Variants in CDH12 observed in about 807,000 individuals in gnomAD.
CDH12 encodes the protein cadherin-12.
CDH12 carries 41 observed loss-of-function variants against 74.1 expected under a neutral mutation model. The ratio of observed to expected loss-of-function variants is 0.55; its 90% confidence interval spans 0.43 to 0.72. CDH12 has a LOEUF of 0.72. CDH12 is among the 30% of genes least tolerant of loss of function. The pLI is 0.00. For synonymous variants in CDH12, 399 were observed against 355.0 expected, an observed-to-expected ratio of 1.12 and a Z score of -1.39; for missense variants, 945 against 977.2, an observed-to-expected ratio of 0.97 and a Z score of 0.44.
intron 7 of CDH12, among the ~76,000 whole-genome samples, chr5:21,845,026 G>GATAGATAGATAT (rs1226308688): frequency 6.7e-6 from 1 of 148,822 alleles, no homozygotes; most frequent in Non-Finnish European, 1.5e-5. Flanking sequence ...TAGATAGATA[G>GATAGATAGATAT]ATAGATAGAT....
At chr5:22,810,977 A>C (rs1025949897) in intron 1 of CDH12, among the ~76,000 whole-genome samples, 3 of 151,878 alleles carry the variant, frequency 2.0e-5, no homozygotes, top group African/African-American at 7.3e-5. Context: ...ACATATATAC[A>C]TACATATGTA....
intron 2 of CDH12, among the ~76,000 whole-genome samples, chr5:22,457,918 T>A (rs1314535100): frequency 1.3e-5 from 2 of 152,108 alleles, no homozygotes; most frequent in Non-Finnish European, 2.9e-5. Flanking sequence ...CTAATTTTTG[T>A]AATTTTAGTA....
intron 1 of CDH12, among the ~76,000 whole-genome samples, chr5:22,770,612 A>G (rs904379619): frequency 6.6e-6 from 1 of 152,150 alleles, no homozygotes; most frequent in African/African-American, 2.4e-5. Context: ...AAGAAAAGAA[A>G]TGACTTCCAA....
intron 1 of CDH12, among the ~76,000 whole-genome samples, chr5:22,691,621 A>G (rs1243493228): frequency 1.3e-5 from 2 of 152,198 alleles, no homozygotes; most frequent in Non-Finnish European, 1.5e-5. Flanking sequence ...CAGGCTTTAA[A>G]CCTTTTCAAA....
intron 6 of CDH12, among the ~76,000 whole-genome samples, chr5:21,879,325 G>A (rs1463515340): frequency 6.6e-6 from 1 of 152,166 alleles, no homozygotes; most frequent in Non-Finnish European, 1.5e-5. Context: ...CACATTAAAA[G>A]AAAGAAAAGA....
chr5:22,420,195 AT>A (rs149644120), intron 2 of CDH12, among the ~76,000 whole-genome samples: 1,833 of 152,018 alleles, frequency 0.012, 38 homozygotes, highest in African/African-American at 0.041. Context: ...CCATTGGTCA[AT>A]TTTTGCTTTT....
At position 22,454,410 on chromosome 5, in the gene CDH12, C is replaced by G. The variant is rs549322983; in HGVS notation, c.-427-49059G>C. On this transcript the variant is annotated intron_variant, in intron 2 of 14. Coordinates refer to ENST00000382254, the MANE Select transcript of CDH12 (RefSeq NM_004061.5). Reference sequence around the variant, plus strand: ...GAAACAGTCTGTGGGAAAACCCTTACTTGGTATGTTTGTTTTCTCAGGCTG... The same window carrying G: ...GAAACAGTCTGTGGGAAAACCCTTAGTTGGTATGTTTGTTTTCTCAGGCTG... Among the ~76,000 whole-genome samples, 3 of 152,246 alleles carry G rather than the reference C, an allele frequency of 2.0e-5. No individual in the cohort carries two copies. In the South Asian group the frequency reaches 6.2e-4, roughly 32 times the overall value.
At chr5:22,233,260 T>A (rs989814386) in intron 3 of CDH12, among the ~76,000 whole-genome samples, 1 of 151,424 alleles carries the variant, frequency 6.6e-6, no homozygotes, top group Non-Finnish European at 1.5e-5. Context: ...CAATATTGAG[T>A]TTTTCCAAAA....
At chr5:22,116,706 AC>A (rs1010950019) in intron 4 of CDH12, among the ~76,000 whole-genome samples, 1 of 151,968 alleles carries the variant, frequency 6.6e-6, no homozygotes, top group African/African-American at 2.4e-5. Flanking sequence ...AAGTAGCCCC[AC>A]CACAGTAGAC....
chr5:22,247,572 G>C (rs1380703351), intron 3 of CDH12, among the ~76,000 whole-genome samples: 2 of 152,130 alleles, frequency 1.3e-5, no homozygotes, highest in African/African-American at 4.8e-5. Context: ...CTGCAGGAGA[G>C]GCTGAGGCAG....
At chr5:22,248,788 T>G (rs2150385992) in intron 3 of CDH12, among the ~76,000 whole-genome samples, 1 of 152,272 alleles carries the variant, frequency 6.6e-6, no homozygotes, top group Admixed American at 6.5e-5. Context: ...AGACTCCAGA[T>G]TTGGAATTGT....
At chr5:22,196,805 T>C (rs1026910347) in intron 4 of CDH12, among the ~76,000 whole-genome samples, 4 of 152,154 alleles carry the variant, frequency 2.6e-5, no homozygotes, top group African/African-American at 9.7e-5. Context: ...GGGACATCAC[T>C]GTAGCTCCTT....
intron 1 of CDH12, among the ~76,000 whole-genome samples, chr5:22,756,958 C>CAAA (rs11305654): frequency 3.5e-5 from 5 of 143,202 alleles, no homozygotes; most frequent in African/African-American, 1.3e-4. Flanking sequence ...GACTCCGTCT[C>CAAA]AAAAAAAAAA....
rs10044372 is a variant in CDH12, at chr5:21,756,468, A to G, written c.1634-626T>C. Among the ~76,000 whole-genome samples the G allele has an allele frequency of 6.3e-3, 958 of 152,312 alleles. 8 individuals carry two copies. Among genetic ancestry groups the G allele is most frequent in the African/African-American group, 0.021 (876 of 41,582 alleles). Reference sequence around the variant, plus strand: ...CAATGACTACTTTAATATGATTTAAAAAGTAACTCATTGTAATTCTGGTTA... The same window carrying G: ...CAATGACTACTTTAATATGATTTAAGAAGTAACTCATTGTAATTCTGGTTA... On this transcript the variant is annotated intron_variant, in intron 13 of 14. Transcript: ENST00000382254.
chr5:22,250,139 T>C (rs1753087111), intron 3 of CDH12, among the ~76,000 whole-genome samples: 2 of 151,872 alleles, frequency 1.3e-5, no homozygotes, highest in Admixed American at 6.6e-5. Flanking sequence ...TAATTTGAGC[T>C]AAGTATGCAC....
At chr5:21,791,756 T>TGA (rs1181472618) in intron 10 of CDH12, among the ~76,000 whole-genome samples, 2 of 151,892 alleles carry the variant, frequency 1.3e-5, no homozygotes, top group Non-Finnish European at 2.9e-5. Context: ...GCAGGCCATT[T>TGA]GAGAGAGTAT....
intron 6 of CDH12, among the ~76,000 whole-genome samples, chr5:21,966,314 C>T (rs1304656410): frequency 6.6e-6 from 1 of 151,976 alleles, no homozygotes; most frequent in Non-Finnish European, 1.5e-5. Flanking sequence ...TGTGAAGGAC[C>T]AGATAGTAAA....
intron 1 of CDH12, among the ~76,000 whole-genome samples, chr5:22,623,793 T>G (rs895619122): frequency 5.3e-5 from 8 of 152,130 alleles, no homozygotes; most frequent in African/African-American, 1.7e-4. Context: ...ATGACTTTCT[T>G]CACAGAATTG....
chr5:22,792,700 A>T (rs1457605734), intron 1 of CDH12, among the ~76,000 whole-genome samples: 1 of 152,036 alleles, frequency 6.6e-6, no homozygotes, highest in African/African-American at 2.4e-5. Context: ...GGTTCTGAGG[A>T]ATGTGTTCAT....
Sources: gnomAD v4.1 joint callset for allele counts (sites outside exome capture counted in the v4.1 genomes callset) on GRCh38, gnomAD v4.1.1 for gene constraint, MANE v1.5 for transcripts, NCBI Gene and HGNC (gene_info 2026-07-23, HGNC 2026-07-21) for gene names.